CCDC138: variants seen among roughly 807,000 people sequenced by gnomAD.
The protein encoded by CCDC138 is coiled-coil domain-containing protein 138.
In CCDC138, 66 loss-of-function variants were observed where a neutral mutation model predicts 82.3. The ratio of observed to expected loss-of-function variants is 0.80; its 90% confidence interval spans 0.66 to 0.98. CCDC138 has a LOEUF of 0.98. CCDC138 is among the 50% of genes least tolerant of loss of function. The pLI is 0.00. For missense variants in CCDC138, 816 were observed against 758.9 expected (o/e 1.08, Z -0.88); for synonymous variants, 297 against 265.4 (o/e 1.12, Z -1.16).
In CCDC138 at chr2:108,821,622, A is replaced by G. The variant is rs114591683; in HGVS notation, c.1206+5517A>G. The stretch of plus-strand genomic sequence containing the variant: ...GAGGGACAAAAAAGCTACAAAACAT[A>G]CAGAAAAAAATTAACAAAATGGTAA... On this transcript the variant is annotated intron_variant, in intron 10 of 14. Transcript: ENST00000295124. Among the ~76,000 whole-genome samples the G allele has an allele frequency of 4.8e-3, 726 of 152,172 alleles. 5 individuals carry two copies. Among genetic ancestry groups the G allele is most frequent in the Admixed American group, 0.01 (156 of 15,278 alleles).
intron 5 of CCDC138, among the ~76,000 whole-genome samples, chr2:108,796,660 T>G (rs1233192764): frequency 6.6e-6 from 1 of 152,162 alleles, no homozygotes; most frequent in African/African-American, 2.4e-5. Context: ...TGAAATCTTA[T>G]CATTGACAGC....
At position 108,800,592 on chromosome 2, in the gene CCDC138, T is replaced by A. The variant is rs201388977; in HGVS notation, c.735+2006T>A. On this transcript the variant is annotated intron_variant, in intron 6 of 14. Transcript: ENST00000295124. ...TTTCTCACCTCCTCTGGGCAGTGGT[T>A]CTCATCTCAGTTTAGCTTTTTTTTT... 1.2e-4 allele frequency among the ~76,000 whole-genome samples: 17 copies of A among 146,354 alleles called. No individual in the cohort carries two copies. The East Asian group carries it at 3.2e-3, about 28-fold the overall frequency.
chr2:108,819,237 A>T lies in CCDC138; in HGVS notation c.1206+3132A>T, dbSNP rs1434297375. On this transcript the variant is annotated intron_variant, in intron 10 of 14. Transcript: ENST00000295124. ...AACATTAAAAAGAAGGGACTCCTTC[A>T]AAAGGAGTGGAAAAGTTTGTGGCAT... 3.9e-5 allele frequency among the ~76,000 whole-genome samples: 6 copies of T among 152,232 alleles called. No homozygotes were observed. In the East Asian group the frequency reaches 1.2e-3, roughly 29 times the overall value.
intron 10 of CCDC138, among the ~76,000 whole-genome samples, chr2:108,835,761 AACTC>A (rs1234293329): frequency 6.6e-6 from 1 of 152,220 alleles, no homozygotes; most frequent in Admixed American, 6.5e-5. Flanking sequence ...GCAAAACTAA[AACTC>A]AGTACCAATT....
intron 10 of CCDC138, among the ~76,000 whole-genome samples, chr2:108,825,806 C>T (rs1332868594): frequency 1.3e-5 from 2 of 152,100 alleles, no homozygotes; most frequent in African/African-American, 4.8e-5. Flanking sequence ...TTTTTCTTGA[C>T]TACATACCTA....
intron 10 of CCDC138, among the ~76,000 whole-genome samples, chr2:108,838,264 A>G (rs1688904403): frequency 6.6e-6 from 1 of 152,198 alleles, no homozygotes; most frequent in African/African-American, 2.4e-5. Context: ...AGGGAGGGGC[A>G]ATCTCTCCCC....
chr2:108,813,700 A>G (rs1263874644), intron 9 of CCDC138, among the ~76,000 whole-genome samples: 2 of 152,212 alleles, frequency 1.3e-5, no homozygotes, highest in Non-Finnish European at 2.9e-5. Flanking sequence ...TAAATATTTC[A>G]TGTTGTCTAT....
chr2:108,855,472 TAC>T (rs902880411), intron 12 of CCDC138, among the ~76,000 whole-genome samples: 34 of 151,894 alleles, frequency 2.2e-4, no homozygotes, highest in African/African-American at 7.7e-4. Flanking sequence ...TATACTCTTC[TAC>T]CTGTGGTGTT....
chr2:108,882,297 C>G (rs927482591), intron 1 of CCDC138: 1 of 152,106 alleles, frequency 6.6e-6, no homozygotes. Flanking sequence ...CCAATAGACT[C>G]ACCAGATGCA....
chr2:108,853,931 A>G (rs1692046368), intron 12 of CCDC138, among the ~76,000 whole-genome samples: 2 of 123,956 alleles, frequency 1.6e-5, no homozygotes. Context: ...TATTATATAT[A>G]ATTTATATAT....
chr2:108,858,116 G>A (rs1692931036), intron 13 of CCDC138, among the ~76,000 whole-genome samples: 1 of 152,172 alleles, frequency 6.6e-6, no homozygotes, highest in South Asian at 2.1e-4. Context: ...GGCCGAGGCG[G>A]GCAGATCACT....
intron 6 of CCDC138, among the ~76,000 whole-genome samples, chr2:108,799,504 C>A (rs1399305602): frequency 6.6e-6 from 1 of 152,176 alleles, no homozygotes; most frequent in Non-Finnish European, 1.5e-5. Flanking sequence ...ATTTTCTGTC[C>A]CAGTACATCT....
At chr2:108,813,755 C>A (rs143951315) in intron 9 of CCDC138, among the ~76,000 whole-genome samples, 16 of 152,288 alleles carry the variant, frequency 1.1e-4, no homozygotes, top group African/African-American at 3.8e-4. Flanking sequence ...ATAGAACTTT[C>A]CACTATCCTA....
intron 7 of CCDC138, among the ~76,000 whole-genome samples, chr2:108,808,073 C>A (rs368260317): frequency 9.9e-5 from 15 of 152,266 alleles, no homozygotes; most frequent in African/African-American, 3.6e-4. Context: ...ATTTATCATT[C>A]TGTACTTGGC....
At chr2:108,826,528 T>C (rs1686626039) in intron 10 of CCDC138, among the ~76,000 whole-genome samples, 1 of 152,178 alleles carries the variant, frequency 6.6e-6, no homozygotes, top group Admixed American at 6.5e-5. Context: ...CCCTATTGAA[T>C]TGTTTCGGTA....
intron 7 of CCDC138, among the ~76,000 whole-genome samples, chr2:108,810,201 G>C (rs1216989191): frequency 1.3e-5 from 2 of 152,202 alleles, no homozygotes; most frequent in Non-Finnish European, 2.9e-5. Flanking sequence ...TGGTGAGAAT[G>C]AGCATCCTTG....
chr2:108,858,058 A>G lies in CCDC138; in HGVS notation c.1693+1088A>G, dbSNP rs149488635. ...TTACCATTGTCCAGGTTACTCTCAA[A>G]TTCAGCCAGGTGCAGTGGCTCATGC... On this transcript the variant is annotated intron_variant, in intron 13 of 14. Coordinates refer to ENST00000295124, the MANE Select transcript of CCDC138 (RefSeq NM_144978.3). 1.8e-4 allele frequency among the ~76,000 whole-genome samples: 27 copies of G among 152,316 alleles called. No individual in the cohort carries two copies. The East Asian group carries it at 5.2e-3, about 29-fold the overall frequency.
At chr2:108,842,471 C>G (rs757555418) in intron 11 of CCDC138, among the ~76,000 whole-genome samples, 12 of 152,058 alleles carry the variant, frequency 7.9e-5, no homozygotes, top group Non-Finnish European at 1.5e-4. Flanking sequence ...GGCAAGTGCC[C>G]TTATTGGAGT....
chr2:108,792,772 C>T (rs970498251), intron 4 of CCDC138, among the ~76,000 whole-genome samples: 1 of 152,140 alleles, frequency 6.6e-6, no homozygotes, highest in Non-Finnish European at 1.5e-5. Context: ...AAGTTAAAAC[C>T]ACTGAGCGTC....
Sources: allele counts gnomAD v4.1 joint callset (sites outside exome capture counted in the v4.1 genomes callset), GRCh38; gene constraint gnomAD v4.1.1; transcripts MANE v1.5; gene names NCBI Gene and HGNC (gene_info 2026-07-23, HGNC 2026-07-21).